Variants in RIPOR3 observed in about 807,000 individuals in gnomAD.
RIPOR3 encodes RIPOR family member 3.
In RIPOR3, 95 loss-of-function variants were observed where a neutral mutation model predicts 114.3. The observed-to-expected ratio is 0.83, with a 90% confidence interval of 0.70 to 0.99. The LOEUF is 0.99. Ranked by LOEUF, RIPOR3 falls within the 50% of genes least tolerant of loss-of-function variation. RIPOR3 has a pLI of 0.00. For missense variants in RIPOR3, 1,252 were observed against 1,266.9 expected (o/e 0.99, Z 0.18); for synonymous variants, 575 against 543.8 (o/e 1.06, Z -0.80).
chr20:50,618,149 C>T (rs1015037936), intron 3 of RIPOR3, among the ~76,000 whole-genome samples: 9 of 152,056 alleles, frequency 5.9e-5, no homozygotes, highest in African/African-American at 2.2e-4. Context: ...TGCCTGTAGT[C>T]CCAGCTCCTC....
chr20:50,651,974 C>A lies in RIPOR3; in HGVS notation c.4-21118G>T, dbSNP rs537082244. ...TTATGTTATTGTGGACATGGCGGGG[C>A]AAAGACAAGACCTTAGGTCTTTGAA... On this transcript the variant is annotated intron_variant, in intron 1 of 21. Coordinates refer to ENST00000327979, the MANE Select transcript of RIPOR3 (RefSeq NM_001290268.2). 6.0e-3 allele frequency among the ~76,000 whole-genome samples: 912 copies of A among 152,328 alleles called. 9 individuals are homozygous for A. Among genetic ancestry groups the A allele is most frequent in the African/African-American group, 0.021 (875 of 41,588 alleles).
At chr20:50,636,291 C>A (rs1273677887) in intron 1 of RIPOR3, among the ~76,000 whole-genome samples, 2 of 152,238 alleles carry the variant, frequency 1.3e-5, no homozygotes, top group African/African-American at 4.8e-5. Context: ...GATGTTTAAG[C>A]AATGGCACAG....
At chr20:50,620,163 C>T in intron 2 of RIPOR3, 31 bp from the exon 3 acceptor site, 1 of 1,608,028 alleles carries the variant, frequency 6.2e-7, no homozygotes, top group Non-Finnish European at 8.5e-7. Flanking sequence ...CAAGAGAAGT[C>T]AGAGAAGGGC....
At chr20:50,594,470 GC>G in intron 17 of RIPOR3, 82 bp downstream of exon 17, 1 of 1,495,860 alleles carries the variant, frequency 6.7e-7, no homozygotes, top group East Asian at 2.3e-5. Flanking sequence ...CTGAAATGAG[GC>G]CAGCTGTGGC....
chr20:50,628,866 G>C (rs2084716983), intron 2 of RIPOR3, among the ~76,000 whole-genome samples: 1 of 152,218 alleles, frequency 6.6e-6, no homozygotes, highest in South Asian at 2.1e-4. Flanking sequence ...GGAGCCCCCA[G>C]GGAAAGGTTA....
At chr20:50,678,205 G>A (rs757040229) in intron 1 of RIPOR3, among the ~76,000 whole-genome samples, 7 of 152,154 alleles carry the variant, frequency 4.6e-5, no homozygotes, top group African/African-American at 7.2e-5. Context: ...CCTAGAGGAA[G>A]ATCACAAAAA....
At chr20:50,611,699 G>A (rs1185424658) in intron 4 of RIPOR3, among the ~76,000 whole-genome samples, 2 of 152,170 alleles carry the variant, frequency 1.3e-5, no homozygotes, top group South Asian at 4.1e-4. Context: ...TCCATTCCAG[G>A]GGCCAGGGTG....
At chr20:50,610,030 ACCTGCCACC>A (rs1205410740) in intron 6 of RIPOR3, among the ~76,000 whole-genome samples, 4 of 29,590 alleles carry the variant, frequency 1.4e-4, no homozygotes, top group African/African-American at 4.7e-4. Context: ...CCCCTGCCTC[ACCTGCCACC>A]CCTGCCTCCC....
chr20:50,601,899 T>C (rs1171111203), intron 13 of RIPOR3, among the ~76,000 whole-genome samples, 173 bp downstream of exon 13: 1 of 152,200 alleles, frequency 6.6e-6, no homozygotes, highest in Non-Finnish European at 1.5e-5. Flanking sequence ...AGGGCTGTTG[T>C]TATCCCCGCT....
intron 13 of RIPOR3, among the ~76,000 whole-genome samples, chr20:50,600,405 C>T (rs1412372113): frequency 6.6e-6 from 1 of 152,134 alleles, no homozygotes; most frequent in Non-Finnish European, 1.5e-5. Flanking sequence ...TTTCAAAATA[C>T]AAGTATGTGA....
chr20:50,631,322 T>C (rs969871330), intron 1 of RIPOR3, among the ~76,000 whole-genome samples: 2 of 152,102 alleles, frequency 1.3e-5, no homozygotes, highest in African/African-American at 2.4e-5. Context: ...GAGTCCATGC[T>C]GGAGTTATGG....
chr20:50,637,097 T>C (rs926695702), intron 1 of RIPOR3, among the ~76,000 whole-genome samples: 2 of 152,184 alleles, frequency 1.3e-5, no homozygotes, highest in African/African-American at 4.8e-5. Context: ...AGGAGGCTTC[T>C]CTGGGAACCA....
chr20:50,594,401 A>G, intron 17 of RIPOR3, 152 bp downstream of exon 17: 2 of 920,220 alleles, frequency 2.2e-6, no homozygotes, highest in Middle Eastern at 3.4e-4. Flanking sequence ...GGTGACTCGC[A>G]CTGAAGCTGA....
At chr20:50,637,515 G>C (rs1306083334) in intron 1 of RIPOR3, among the ~76,000 whole-genome samples, 1 of 152,100 alleles carries the variant, frequency 6.6e-6, no homozygotes, top group Non-Finnish European at 1.5e-5. Context: ...AATCAAGTAT[G>C]CTTCTCAAGA....
chr20:50,638,366 C>T (rs932086835), intron 1 of RIPOR3, among the ~76,000 whole-genome samples: 1 of 152,244 alleles, frequency 6.6e-6, no homozygotes, highest in African/African-American at 2.4e-5. Flanking sequence ...GACCGGGATC[C>T]AGGGAGGCCG....
chr20:50,681,449 C>T (rs550721085), intron 1 of RIPOR3, among the ~76,000 whole-genome samples: 2 of 152,132 alleles, frequency 1.3e-5, no homozygotes, highest in African/African-American at 2.4e-5. Flanking sequence ...TCACTGCAGG[C>T]GCTACTGAAA....
intron 11 of RIPOR3, among the ~76,000 whole-genome samples, chr20:50,605,188 C>T (rs1174010625): frequency 2.0e-5 from 3 of 152,196 alleles, no homozygotes; most frequent in African/African-American, 7.2e-5. Context: ...CTGCCTCAGC[C>T]TCCCAAAGTG....
intron 1 of RIPOR3, among the ~76,000 whole-genome samples, chr20:50,680,248 G>T (rs538599263): frequency 1.3e-5 from 2 of 152,288 alleles, no homozygotes; most frequent in African/African-American, 4.8e-5. Context: ...AGTCAATTAC[G>T]GCCAGCGGGG....
At chr20:50,644,561 G>T (rs1820126770) in intron 1 of RIPOR3, among the ~76,000 whole-genome samples, 1 of 151,202 alleles carries the variant, frequency 6.6e-6, no homozygotes, top group African/African-American at 2.4e-5. Context: ...TTGGCTCACT[G>T]CTACCTCTGC....
Sources: gnomAD v4.1 joint callset for allele counts (sites outside exome capture counted in the v4.1 genomes callset) on GRCh38, gnomAD v4.1.1 for gene constraint, MANE v1.5 for transcripts, NCBI Gene and HGNC (gene_info 2026-07-23, HGNC 2026-07-21) for gene names.